TNRC6B: variants seen among roughly 807,000 people sequenced by gnomAD.
The protein encoded by TNRC6B is trinucleotide repeat containing adaptor 6B.
TNRC6B carries 52 observed loss-of-function variants against 203.6 expected under a neutral mutation model. The observed-to-expected ratio is 0.26, with a 90% CI of 0.20 to 0.32. The LOEUF is 0.32. Among genes scored for constraint, TNRC6B ranks in the 10% least tolerant of loss-of-function variants. TNRC6B has a pLI of 1.00. For missense variants in TNRC6B, 1,923 were observed against 2,286.2 expected (o/e 0.84, Z 3.24); for synonymous variants, 838 against 845.7 (o/e 0.99, Z 0.16).
chr22:40,046,691 C>G (rs1363766330), intron 1 of TNRC6B, among the ~76,000 whole-genome samples: 1 of 140,320 alleles, frequency 7.1e-6, no homozygotes, highest in Non-Finnish European at 1.5e-5. Context: ...TTGTGCCAGG[C>G]TGGAGTGTAG....
intron 3 of TNRC6B, among the ~76,000 whole-genome samples, chr22:40,260,949 T>C (rs1388594914): frequency 6.6e-6 from 1 of 152,184 alleles, no homozygotes; most frequent in Non-Finnish European, 1.5e-5. Flanking sequence ...GAAGTTACTT[T>C]GTTAGAATTG....
At chr22:40,310,520 C>A (rs939548349) in intron 16 of TNRC6B, among the ~76,000 whole-genome samples, 2 of 152,148 alleles carry the variant, frequency 1.3e-5, no homozygotes, top group Admixed American at 6.5e-5. Flanking sequence ...AGTATGTGAA[C>A]GTTTCATTAA....
At chr22:40,309,738 T>C (rs1362470705) in intron 16 of TNRC6B, among the ~76,000 whole-genome samples, 1 of 152,158 alleles carries the variant, frequency 6.6e-6, no homozygotes, top group African/African-American at 2.4e-5. Context: ...ACTTGCCTTT[T>C]TAGAGCTTAT....
rs780247953 is a variant in TNRC6B at position 40,323,397 on chromosome 22, T to A, written c.*156T>A. ...AAAGGTGGGTCATTGACAGACTGTC[T>A]GAGCACATAGTTGCCTCCCTTATAA... On this transcript the variant is annotated 3_prime_UTR_variant, in exon 23 of 23. Transcript: ENST00000454349. 32 of 919,442 alleles carry A rather than the reference T, an allele frequency of 3.5e-5. No homozygotes were observed. Among genetic ancestry groups the A allele is most frequent in the Non-Finnish European group, 5.0e-5 (32 of 638,670 alleles). 57.0% of individuals were successfully genotyped at this position (919,442 alleles called of 1,614,324 possible). A position where few individuals can be genotyped will look rare whatever the true frequency, so the allele number is the denominator to read the frequency against.
chr22:40,135,139 G>A (rs1380937003), intron 3 of TNRC6B, among the ~76,000 whole-genome samples: 1 of 152,208 alleles, frequency 6.6e-6, no homozygotes, highest in African/African-American at 2.4e-5. Context: ...CAGCATGGTG[G>A]CAGGGATTCA....
chr22:40,184,421 G>A (rs1182028135), intron 1 of TNRC6B, among the ~76,000 whole-genome samples: 2 of 152,170 alleles, frequency 1.3e-5, no homozygotes, highest in Admixed American at 6.5e-5. Flanking sequence ...TTGGAGTGTC[G>A]TGTGCTTAAG....
At chr22:40,161,488 C>T (rs926894572) in intron 4 of TNRC6B, among the ~76,000 whole-genome samples, 1 of 152,108 alleles carries the variant, frequency 6.6e-6, no homozygotes, top group African/African-American at 2.4e-5. Flanking sequence ...CCCCATTTAA[C>T]GTTTTGACCA....
Position 40,325,593 on chromosome 22 carries a change from C to G in TNRC6B, c.*2352C>G, listed in dbSNP as rs1256190726. ...AATTTGAATCACCACCGTGCCCCTT[C>G]CACCACTGTTCCCCATGCAAAAGCT... is the stretch of plus-strand genomic sequence containing the variant. On this transcript the variant is annotated 3_prime_UTR_variant, in exon 23 of 23. Coordinates refer to ENST00000454349, the MANE Select transcript of TNRC6B (RefSeq NM_001162501.2). The G allele has an allele frequency of 2.0e-5, 3 of 152,582 alleles. No homozygotes were observed. In the East Asian group the frequency reaches 5.8e-4, roughly 29 times the overall value. 9.5% of individuals were successfully genotyped at this position (152,582 alleles called of 1,614,324 possible).
chr22:40,122,552 C>G (rs6001779), intron 2 of TNRC6B, among the ~76,000 whole-genome samples: 78 of 152,278 alleles, frequency 5.1e-4, no homozygotes, highest in African/African-American at 1.8e-3. Context: ...AAAGACAGGG[C>G]TGAGCTCCAC....
At position 40,281,156 on chromosome 22, in the gene TNRC6B, G is replaced by A; in HGVS notation, c.3449G>A (p.Gly1150Glu). 1.3e-6 allele frequency: 2 copies of A among 1,550,856 alleles called. No individual in the cohort carries two copies. The highest frequency in any genetic ancestry group is 1.7e-6 in the Non-Finnish European group (2 of 1,146,580). ...LPFSNQDGCL[G>E]DEAPCSPFSP... ...TTCTCCAATCAAGATGGGTGCCTTGGGGATGAGGCTCCCTGCTCTCCCTTC... is the reference window on the plus strand; with the variant it reads ...TTCTCCAATCAAGATGGGTGCCTTGAGGATGAGGCTCCCTGCTCTCCCTTC... The change falls in exon 11 of 23, where the codon GGG (glycine) becomes GAG (glutamate). Residue 1150 changes from glycine (G) to glutamate (E), a missense_variant. Physicochemically the swap from Gly to Glu is moderately conservative, Grantham distance 98 (BLOSUM62 -2). Coordinates refer to ENST00000454349, the MANE Select transcript of TNRC6B (RefSeq NM_001162501.2).
At chr22:40,116,958 A>C (rs1810495212) in intron 1 of TNRC6B, 1 of 152,442 alleles carries the variant, frequency 6.6e-6, no homozygotes, top group African/African-American at 2.4e-5. Context: ...AGCTGGTGAA[A>C]GGAGGAGCTG....
At chr22:40,249,956 T>C (rs2070164341) in intron 2 of TNRC6B, among the ~76,000 whole-genome samples, 1 of 152,180 alleles carries the variant, frequency 6.6e-6, no homozygotes, top group African/African-American at 2.4e-5. Flanking sequence ...TTAACTCTTA[T>C]TTAGAGTCTG....
At chr22:40,210,017 C>A (rs1343395534) in intron 1 of TNRC6B, among the ~76,000 whole-genome samples, 301 of 132,632 alleles carry the variant, frequency 2.3e-3, no homozygotes, top group African/African-American at 2.8e-3. Flanking sequence ...GACTCTGTCT[C>A]AAAAAAAAAA....
intron 3 of TNRC6B, among the ~76,000 whole-genome samples, chr22:40,259,376 A>G (rs1437186664): frequency 1.3e-5 from 2 of 152,110 alleles, no homozygotes; most frequent in Non-Finnish European, 2.9e-5. Flanking sequence ...GGCGCATGCC[A>G]CCACGCCCAG....
intron 1 of TNRC6B, among the ~76,000 whole-genome samples, chr22:40,184,277 G>A (rs969008533): frequency 3.9e-5 from 6 of 152,290 alleles, no homozygotes; most frequent in Admixed American, 1.3e-4. Context: ...GATGCAAGGG[G>A]CTGGCTGGTG....
intron 21 of TNRC6B, among the ~76,000 whole-genome samples, chr22:40,318,690 A>G (rs2071293071): frequency 6.6e-6 from 1 of 152,144 alleles, no homozygotes; most frequent in Non-Finnish European, 1.5e-5. Flanking sequence ...TGATTATGTT[A>G]TGATGAGATT....
intron 3 of TNRC6B, among the ~76,000 whole-genome samples, chr22:40,259,329 A>T (rs908637966): frequency 6.6e-6 from 1 of 152,004 alleles, no homozygotes; most frequent in African/African-American, 2.4e-5. Flanking sequence ...GGTTCAAGCA[A>T]TTCTCGTCCT....
At chr22:40,215,995 C>T (rs895901845) in intron 1 of TNRC6B, among the ~76,000 whole-genome samples, 2 of 152,220 alleles carry the variant, frequency 1.3e-5, no homozygotes, top group Non-Finnish European at 2.9e-5. Context: ...GAAGAAAATT[C>T]TTGCAGGGAC....
At chr22:40,196,699 G>A (rs1030747565) in intron 1 of TNRC6B, among the ~76,000 whole-genome samples, 1 of 151,978 alleles carries the variant, frequency 6.6e-6, no homozygotes, top group African/African-American at 2.4e-5. Flanking sequence ...TTGGGTCGGG[G>A]CAGTGATAGG....
Sources: gnomAD v4.1 joint callset for allele counts (sites outside exome capture counted in the v4.1 genomes callset) on GRCh38, gnomAD v4.1.1 for gene constraint, MANE v1.5 for transcripts, NCBI Gene and HGNC (gene_info 2026-07-23, HGNC 2026-07-21) for gene names.